The following FANCD2 variants were observed in gnomAD, a reference collection of about 807,000 sequenced individuals.
The protein encoded by FANCD2 is FA complementation group D2.
FANCD2 carries 131 observed loss-of-function variants against 192.3 expected under a neutral mutation model. That is an observed-to-expected ratio of 0.68 (90% CI 0.59 to 0.79). The LOEUF (loss-of-function observed/expected upper bound fraction) is 0.79. Ranked by LOEUF, FANCD2 falls within the 30% of genes least tolerant of loss-of-function variation. The probability of loss-of-function intolerance (pLI) is 0.00; values close to 1 mark genes in which losing one functional copy is unlikely to be tolerated. For missense variants in FANCD2, 1,508 were observed against 1,701.6 expected, an observed-to-expected ratio of 0.89 and a Z score of 2.00; for synonymous variants, 524 against 612.5, an observed-to-expected ratio of 0.86 and a Z score of 2.13.
Position 10,051,399 on chromosome 3 carries a change from AAAAAAAAACAAAAAG to A in FANCD2, c.1546-987_1546-973del, listed in dbSNP as rs1473372337. Among the ~76,000 whole-genome samples, 81 of 10,246 alleles carry A rather than the reference AAAAAAAAACAAAAAG, an allele frequency of 7.9e-3. 7 individuals are homozygous for A. The highest frequency in any genetic ancestry group is 0.066 in the African/African-American group (43 of 650). 6.7% of individuals were successfully genotyped at this position (10,246 alleles called of 152,430 possible). ...CCGTCTCAAAAAAAAAAAAAAAAAA[AAAAAAAAACAAAAAG>A]GAGTGAGGGATTTATCTCCCAGTGT... On this transcript the variant is annotated intron_variant, in intron 17 of 43. Coordinates refer to ENST00000675286, the MANE Select transcript of FANCD2 (RefSeq NM_001018115.3).
intron 22 of FANCD2, 46 bp from the exon 23 acceptor site, chr3:10,064,683 T>C: frequency 1.9e-6 from 3 of 1,607,238 alleles, no homozygotes; most frequent in Non-Finnish European, 2.6e-6. Context: ...CCTGTAGCCT[T>C]GCGTATTCCT....
intron 42 of FANCD2, among the ~76,000 whole-genome samples, 170 bp downstream of exon 42, chr3:10,096,642 G>A (rs775074145): frequency 8.5e-5 from 13 of 152,082 alleles, no homozygotes; most frequent in Admixed American, 5.2e-4. Flanking sequence ...CATGGGCCCT[G>A]GTCACAGGCT....
At chr3:10,029,567 A>G (rs1244513837) in intron 2 of FANCD2, among the ~76,000 whole-genome samples, 1 of 152,010 alleles carries the variant, frequency 6.6e-6, no homozygotes, top group Non-Finnish European at 1.5e-5. Flanking sequence ...TACTCTATTA[A>G]TCTTGATTTG....
At chr3:10,064,923 A>C (rs750088699) in intron 23 of FANCD2, 48 bp downstream of exon 23, 1 of 1,602,862 alleles carries the variant, frequency 6.2e-7, no homozygotes, top group Admixed American at 1.7e-5. Context: ...TTGAATGTTC[A>C]TGGGGAATTC....
At chr3:10,035,302 G>A (rs1254055598) in intron 6 of FANCD2, 69 bp downstream of exon 6, 1 of 1,333,428 alleles carries the variant, frequency 7.5e-7, no homozygotes, top group Non-Finnish European at 1.1e-6. Flanking sequence ...AGTCTAAATA[G>A]CGGGAACACA....
chr3:10,079,265 G>A (rs550649587), intron 30 of FANCD2, among the ~76,000 whole-genome samples: 1 of 151,832 alleles, frequency 6.6e-6, no homozygotes, highest in South Asian at 2.1e-4. Flanking sequence ...AAAAAAAATA[G>A]GAAGTCTGAA....
At chr3:10,094,242 C>T in intron 39 of FANCD2, 47 bp from the exon 40 acceptor site, 1 of 1,473,344 alleles carries the variant, frequency 6.8e-7, no homozygotes, top group Non-Finnish European at 9.5e-7. Context: ...AGGGGCCTTT[C>T]AGTGAGATAC....
At chr3:10,028,894 C>T (rs1434229634) in intron 2 of FANCD2, among the ~76,000 whole-genome samples, 173 bp downstream of exon 2, 2 of 152,114 alleles carry the variant, frequency 1.3e-5, no homozygotes, top group Non-Finnish European at 1.5e-5. Context: ...TCGAATTCTG[C>T]GTATAACTTT....
intron 3 of FANCD2, among the ~76,000 whole-genome samples, chr3:10,033,698 CTT>C (rs34115008): frequency 2.2e-5 from 2 of 89,376 alleles, no homozygotes; most frequent in African/African-American, 4.7e-5. Context: ...AAAGCTAAGT[CTT>C]TTTTTTTTTT....
Position 10,057,109 on chromosome 3 carries a change from G to A in FANCD2, c.1657-3185G>A, listed in dbSNP as rs376161031. ...GAGCTCAGGAGATCCACCCACCTCT[G>A]CCTCCCAAAGTGCTGGCATTACAGG... On this transcript the variant is annotated intron_variant, in intron 18 of 43. Transcript: ENST00000675286. Among the ~76,000 whole-genome samples the A allele has an allele frequency of 2.1e-4, 32 of 152,290 alleles. No homozygotes were observed. In the East Asian group the frequency reaches 6.0e-3, roughly 28 times the overall value.
intron 36 of FANCD2, among the ~76,000 whole-genome samples, chr3:10,089,595 A>G (rs1361120503): frequency 6.6e-6 from 1 of 152,036 alleles, no homozygotes; most frequent in African/African-American, 2.4e-5. Flanking sequence ...CCAGCCTTTC[A>G]AGTAACTGGG....
rs374169549 is a variant in FANCD2, at chr3:10,043,755, G to T, written c.1099-74G>T. The T allele has an allele frequency of 3.2e-5, 43 of 1,338,372 alleles. No homozygotes were observed. The Middle Eastern group carries it at 9.0e-4, about 28-fold the overall frequency. 82.9% of individuals were successfully genotyped at this position (1,338,372 alleles called of 1,614,324 possible). A position where few individuals can be genotyped will look rare whatever the true frequency, so the allele number is the denominator to read the frequency against. On this transcript the variant is annotated intron_variant, in intron 13 of 43. Coordinates refer to ENST00000675286, the MANE Select transcript of FANCD2 (RefSeq NM_001018115.3). ...CATTGGCTCTTAGATGAGATAACAGGGCATGCTGAATAAGGTGTAACGTGT... is the reference window on the plus strand; with the variant it reads ...CATTGGCTCTTAGATGAGATAACAGTGCATGCTGAATAAGGTGTAACGTGT...
intron 18 of FANCD2, among the ~76,000 whole-genome samples, chr3:10,054,341 ATATATATATACG>A (rs2087310740): frequency 7.3e-6 from 1 of 136,676 alleles, no homozygotes; most frequent in African/African-American, 2.9e-5. Context: ...ACCAGCATAT[ATATATATATACG>A]TATATATATA....
At chr3:10,037,536 AAAT>A (rs1327479036) in intron 7 of FANCD2, 1 of 152,360 alleles carries the variant, frequency 6.6e-6, no homozygotes, top group East Asian at 1.9e-4. Context: ...AATGAAAATG[AAAT>A]AATATTAGTT....
At chr3:10,064,694 G>C (rs1200906781) in intron 22 of FANCD2, 35 bp from the exon 23 acceptor site, 111 of 1,612,502 alleles carry the variant, frequency 6.9e-5, no homozygotes, top group Non-Finnish European at 9.2e-5. Context: ...GCGTATTCCT[G>C]AGCTGCAACA....
chr3:10,074,330 G>A (rs888419117), intron 28 of FANCD2, among the ~76,000 whole-genome samples, 200 bp from the exon 29 acceptor site: 5 of 152,182 alleles, frequency 3.3e-5, no homozygotes, highest in African/African-American at 7.2e-5. Flanking sequence ...GGGTCTTGAT[G>A]TGTGACTTGT....
intron 14 of FANCD2, among the ~76,000 whole-genome samples, chr3:10,045,191 C>T (rs1332212811): frequency 3.4e-5 from 4 of 119,150 alleles, no homozygotes; most frequent in African/African-American, 7.4e-5. Flanking sequence ...GTTTTTGAGA[C>T]GGGTTCTCAC....
chr3:10,066,017 T>C (rs776221333), intron 25 of FANCD2, 38 bp downstream of exon 25: 9 of 1,323,560 alleles, frequency 6.8e-6, no homozygotes, highest in East Asian at 2.3e-5. Flanking sequence ...TTATTGTGCA[T>C]AGTTTTTCTC....
intron 41 of FANCD2, 26 bp from the exon 42 acceptor site, chr3:10,096,300 G>T (rs35818818): frequency 6.2e-7 from 1 of 1,612,922 alleles, no homozygotes; most frequent in Non-Finnish European, 8.5e-7. Context: ...ACTCACAAAA[G>T]ATGGATGTTA....
Sources: allele counts gnomAD v4.1 joint callset (sites outside exome capture counted in the v4.1 genomes callset), GRCh38; gene constraint gnomAD v4.1.1; transcripts MANE v1.5; gene names NCBI Gene and HGNC (gene_info 2026-07-23, HGNC 2026-07-21).